Variants in TRPM3 observed in about 807,000 individuals in gnomAD.
TRPM3 encodes transient receptor potential cation channel subfamily M member 3.
In TRPM3, 77 loss-of-function variants were observed where a neutral mutation model predicts 181.2. The observed-to-expected ratio is 0.42, with a 90% CI of 0.35 to 0.51. TRPM3 has a LOEUF of 0.51. Among genes scored for constraint, TRPM3 ranks in the 20% least tolerant of loss-of-function variants. The pLI is 0.01. For synonymous variants in TRPM3, 745 were observed against 796.4 expected (o/e 0.94, Z 1.09); for missense variants, 1,759 against 2,196.7 (o/e 0.80, Z 3.98).
intron 9 of TRPM3, among the ~76,000 whole-genome samples, chr9:70,661,718 G>A (rs1471099131): frequency 6.6e-6 from 1 of 151,992 alleles, no homozygotes; most frequent in African/African-American, 2.4e-5. Context: ...ACTTAACTAA[G>A]GAGGTGAAAG....
At chr9:70,568,588 A>G (rs1375315689) in intron 22 of TRPM3, among the ~76,000 whole-genome samples, 2 of 152,230 alleles carry the variant, frequency 1.3e-5, no homozygotes, top group Admixed American at 6.5e-5. Flanking sequence ...CAACTCATAA[A>G]GAATACAAAG....
At chr9:71,060,745 G>A (rs893837391) in intron 1 of TRPM3, among the ~76,000 whole-genome samples, 1 of 152,096 alleles carries the variant, frequency 6.6e-6, no homozygotes, top group African/African-American at 2.4e-5. Context: ...AGCATTGACA[G>A]TACTCTTTGA....
intron 1 of TRPM3, among the ~76,000 whole-genome samples, chr9:71,254,399 A>G (rs186777679): frequency 1.2e-4 from 19 of 152,326 alleles, no homozygotes; most frequent in Admixed American, 4.6e-4. Flanking sequence ...GACAGGAGAT[A>G]TAAGTTCAGG....
rs79850318 is a variant in TRPM3, at chr9:71,139,431, C to T, written c.184-274920G>A. 5.8e-4 allele frequency among the ~76,000 whole-genome samples: 89 copies of T among 152,172 alleles called. 2 individuals carry two copies. In the East Asian group the frequency reaches 0.017, roughly 28 times the overall value. Reference sequence around the variant, plus strand: ...GGTATTTCAGAAAAACCACTGTTTACATTTCAGACTTAAAAATAGGAACAA... The same window carrying T: ...GGTATTTCAGAAAAACCACTGTTTATATTTCAGACTTAAAAATAGGAACAA... On this transcript the variant is annotated intron_variant, in intron 1 of 24. Coordinates refer to the TRPM3 transcript ENST00000357533.
intron 1 of TRPM3, among the ~76,000 whole-genome samples, chr9:70,959,159 T>A (rs993889886): frequency 6.7e-6 from 1 of 149,194 alleles, no homozygotes; most frequent in South Asian, 2.1e-4. Context: ...ATAATAATAA[T>A]AAAAAAAAGA....
chr9:70,616,374 C>T (rs1476665868), intron 17 of TRPM3, among the ~76,000 whole-genome samples: 1 of 152,118 alleles, frequency 6.6e-6, no homozygotes, highest in African/African-American at 2.4e-5. Context: ...CCAATTAACA[C>T]CCACTTTGCA....
rs764198698 is a variant in TRPM3, at chr9:70,827,984, A to G, written c.836T>C (p.Met279Thr). 15 of 1,613,930 alleles carry G rather than the reference A, an allele frequency of 9.3e-6. No homozygotes were observed. The Admixed American group carries it at 1.7e-4, about 18-fold the overall frequency. Residue 279 changes from methionine (M) to threonine (T), a missense_variant, in exon 6 of 26, where the codon ATG (methionine) becomes ACG (threonine). Coordinates refer to ENST00000677713, the MANE Select transcript of TRPM3 (RefSeq NM_001366145.2). ...VRPYQTMSNP[M>T]SKLTVLNSMH... The stretch of plus-strand genomic sequence containing the variant: ...GCTGTTGAGAACAGTGAGCTTGCTC[A>G]TGGGATTGGACATGGTCTGGTATGG...
chr9:71,423,849 A>T (rs2093819210), intron 1 of TRPM3, among the ~76,000 whole-genome samples: 1 of 152,068 alleles, frequency 6.6e-6, no homozygotes, highest in African/African-American at 2.4e-5. Flanking sequence ...GAGCCTGGAG[A>T]CAACACCAGA....
intron 1 of TRPM3, among the ~76,000 whole-genome samples, chr9:71,239,699 T>C (rs7024365): frequency 0.43 from 65,292 of 151,914 alleles, 14,420 homozygotes; most frequent in East Asian, 0.52. Context: ...AATTGTAGTA[T>C]TATTCCTTAG....
chr9:70,578,008 T>A (rs1300996893), intron 22 of TRPM3, among the ~76,000 whole-genome samples: 1 of 152,216 alleles, frequency 6.6e-6, no homozygotes, highest in South Asian at 2.1e-4. Flanking sequence ...AAAGGGCACA[T>A]AGCAGACTTC....
At chr9:70,785,640 C>A (rs557268367) in intron 6 of TRPM3, among the ~76,000 whole-genome samples, 30 of 152,228 alleles carry the variant, frequency 2.0e-4, no homozygotes, top group Non-Finnish European at 3.8e-4. Flanking sequence ...ACTGCTTCCC[C>A]GTAATGAGTA....
chr9:70,781,346 A>AAAAAAAAAAAAAAAAAAAAG (rs1564254422), intron 7 of TRPM3, among the ~76,000 whole-genome samples: 3 of 147,424 alleles, frequency 2.0e-5, no homozygotes, highest in South Asian at 2.2e-4. Context: ...AAAAAAAAAA[A>AAAAAAAAAAAAAAAAAAAAG]AAAGAAAACA....
intron 5 of TRPM3, among the ~76,000 whole-genome samples, chr9:70,833,123 G>GCT (rs2094060149): frequency 6.6e-6 from 1 of 152,180 alleles, no homozygotes; most frequent in Non-Finnish European, 1.5e-5. Flanking sequence ...CAGTGCTTTT[G>GCT]CTCTTTTCAA....
chr9:71,038,180 T>C (rs180826072), intron 1 of TRPM3, among the ~76,000 whole-genome samples: 2 of 152,338 alleles, frequency 1.3e-5, no homozygotes, highest in East Asian at 3.9e-4. Context: ...GGAGAATAAG[T>C]GAAGAAGCGC....
At chr9:70,658,527 G>A (rs2060678125) in intron 9 of TRPM3, among the ~76,000 whole-genome samples, 1 of 152,036 alleles carries the variant, frequency 6.6e-6, no homozygotes, top group Non-Finnish European at 1.5e-5. Flanking sequence ...TCAAAATTAT[G>A]AGAAACTTCT....
intron 1 of TRPM3, among the ~76,000 whole-genome samples, chr9:70,969,735 T>G: frequency 6.8e-6 from 1 of 146,856 alleles, no homozygotes; most frequent in South Asian, 2.2e-4. Context: ...CCTGCAGGAT[T>G]GTTGTGAAGA....
intron 1 of TRPM3, among the ~76,000 whole-genome samples, chr9:70,928,083 G>A (rs766905247): frequency 2.6e-5 from 4 of 152,140 alleles, no homozygotes; most frequent in Admixed American, 6.5e-5. Context: ...TGGATATTTA[G>A]GTAATAGGGA....
At chr9:71,305,043 C>T (rs1280030446) in intron 1 of TRPM3, among the ~76,000 whole-genome samples, 1 of 152,136 alleles carries the variant, frequency 6.6e-6, no homozygotes, top group Admixed American at 6.6e-5. Context: ...AGATTACACT[C>T]CCATTATACA....
intron 1 of TRPM3, among the ~76,000 whole-genome samples, chr9:71,244,202 T>C (rs879643829): frequency 6.6e-6 from 1 of 152,134 alleles, no homozygotes; most frequent in Non-Finnish European, 1.5e-5. Context: ...GTTAAGCACA[T>C]TCCCGTAGCA....
Sources: allele counts gnomAD v4.1 joint callset (sites outside exome capture counted in the v4.1 genomes callset), GRCh38; gene constraint gnomAD v4.1.1; transcripts MANE v1.5; gene names NCBI Gene and HGNC (gene_info 2026-07-23, HGNC 2026-07-21).